Variants in ZNF469 observed in about 807,000 individuals in gnomAD.
ZNF469 encodes zinc finger protein 469.
Under a neutral mutation model 1.0 loss-of-function variants are expected in ZNF469, and 1 was observed. The observed-to-expected ratio is 1.00, with a 90% CI of 0.35 to 4.73. ZNF469 has a LOEUF of 4.73. Among genes scored for constraint, ZNF469 ranks in the 30% most tolerant of loss-of-function variants. ZNF469 has a pLI of 0.16. For synonymous variants in ZNF469, 2,703 were observed against 2,363.4 expected (o/e 1.14, Z -4.17); for missense variants, 6,100 against 5,356.3 (o/e 1.14, Z -4.33).
At chr16:88,355,100 G>A in the ZNF469 span, among the ~76,000 whole-genome samples, 14 of 146,310 alleles carry the variant, frequency 9.6e-5, no homozygotes, top group African/African-American at 1.9e-4. Flanking sequence ...GGCAGGGGGC[G>A]CAGAACACTG....
At chr16:88,350,639 G>A in the ZNF469 span, among the ~76,000 whole-genome samples, 7 of 152,218 alleles carry the variant, frequency 4.6e-5, no homozygotes, top group African/African-American at 1.7e-4. Context: ...GGTGAAAGGG[G>A]GACGTTCAGG....
chr16:88,344,492 C>T, the ZNF469 span, among the ~76,000 whole-genome samples: 1 of 152,222 alleles, frequency 6.6e-6, no homozygotes. Context: ...GTGCTGGGCA[C>T]AGGGCCTGAG....
chr16:88,331,550 A>G, the ZNF469 span, among the ~76,000 whole-genome samples: 1 of 151,580 alleles, frequency 6.6e-6, no homozygotes, highest in Admixed American at 6.6e-5. Flanking sequence ...CACCATCACC[A>G]CCATCGTCAT....
At position 88,428,385 on chromosome 16, in the gene ZNF469, C is replaced by T; in HGVS notation, c.915C>T (p.Ala305=). 2 of 1,548,556 alleles carry T rather than the reference C, an allele frequency of 1.3e-6. No individual in the cohort carries two copies. The highest frequency in any genetic ancestry group is 4.9e-5 in the East Asian group (2 of 40,900). The change falls in exon 3 of 3, where the codon GCC becomes GCT. Residue 305 remains alanine (A), a synonymous_variant. Coordinates refer to ENST00000565624, the MANE Select transcript of ZNF469 (RefSeq NM_001367624.2). ...TCACCAATGGGCCACTGGTGTTTGC[C>T]TTCCATCAGCCCCAGGGAGCGTGGC... ...HAFTNGPLVF[A]FHQPQGAWPE...
chr16:88,247,328 G>GTGAA, the ZNF469 span, among the ~76,000 whole-genome samples: 1 of 67,576 alleles, frequency 1.5e-5, no homozygotes, highest in Non-Finnish European at 2.5e-5. Flanking sequence ...TGAGTGAATG[G>GTGAA]TGAATGAGTG....
the ZNF469 span, among the ~76,000 whole-genome samples, chr16:88,143,914 C>A: frequency 1.3e-5 from 2 of 152,208 alleles, no homozygotes; most frequent in Non-Finnish European, 2.9e-5. Flanking sequence ...TGTTCGCTGC[C>A]TTCCTCTTCG....
intron 1 of ZNF469, among the ~76,000 whole-genome samples, chr16:88,384,448 C>T (rs1021958125): frequency 6.6e-6 from 1 of 152,150 alleles, no homozygotes; most frequent in African/African-American, 2.4e-5. Context: ...GAGGGCTGAG[C>T]AGGGAGCTCG....
the ZNF469 span, among the ~76,000 whole-genome samples, chr16:88,129,199 G>A: frequency 2.0e-5 from 3 of 152,214 alleles, no homozygotes; most frequent in Non-Finnish European, 2.9e-5. Flanking sequence ...CCCCAGCCCT[G>A]CCACAGCGTC....
chr16:88,248,447 C>T, the ZNF469 span, among the ~76,000 whole-genome samples: 22 of 152,140 alleles, frequency 1.4e-4, no homozygotes, highest in African/African-American at 2.4e-4. Context: ...CACAGTGGCT[C>T]ATGCTTGTAA....
At chr16:88,173,701 G>T in the ZNF469 span, among the ~76,000 whole-genome samples, 1 of 152,170 alleles carries the variant, frequency 6.6e-6, no homozygotes, top group African/African-American at 2.4e-5. Context: ...AAAGAATGAG[G>T]GTTGGGGGAA....
chr16:88,369,998 C>T, the ZNF469 span, among the ~76,000 whole-genome samples: 26 of 152,324 alleles, frequency 1.7e-4, no homozygotes, highest in Admixed American at 1.0e-3. Context: ...AAAAATAATA[C>T]CTGTTCTTTA....
At chr16:88,223,859 C>T in the ZNF469 span, among the ~76,000 whole-genome samples, 2 of 152,344 alleles carry the variant, frequency 1.3e-5, no homozygotes, top group East Asian at 1.9e-4. Flanking sequence ...CTGTGTGGAG[C>T]GCAGGCCTCG....
intron 1 of ZNF469, among the ~76,000 whole-genome samples, chr16:88,422,317 G>A (rs989321881): frequency 1.6e-5 from 1 of 62,036 alleles, no homozygotes; most frequent in African/African-American, 4.2e-5. Flanking sequence ...TGGATAGATG[G>A]GTGAGTGATG....
the ZNF469 span, among the ~76,000 whole-genome samples, chr16:88,144,030 C>G: frequency 6.8e-6 from 1 of 147,706 alleles, no homozygotes; most frequent in Non-Finnish European, 1.5e-5. Flanking sequence ...GGGGAAACGG[C>G]GCAGGGTCAG....
the ZNF469 span, among the ~76,000 whole-genome samples, chr16:88,345,154 G>A: frequency 6.6e-6 from 1 of 152,230 alleles, no homozygotes; most frequent in Non-Finnish European, 1.5e-5. Flanking sequence ...AGCCTGAATT[G>A]TCCAGCCAGC....
At chr16:88,185,063 A>T in the ZNF469 span, among the ~76,000 whole-genome samples, 47 of 148,924 alleles carry the variant, frequency 3.2e-4, no homozygotes, top group African/African-American at 1.1e-3. Flanking sequence ...CCACGCACAG[A>T]CACTCACACC....
chr16:88,262,587 G>A, the ZNF469 span, among the ~76,000 whole-genome samples: 4 of 152,154 alleles, frequency 2.6e-5, no homozygotes, highest in African/African-American at 7.2e-5. This position sits in a 1 kb window ranked among gnomAD's most constrained non-coding sequence, Gnocchi z 4.3. Context: ...ACGGGCAGGA[G>A]CCTGCAGAGT....
the ZNF469 span, among the ~76,000 whole-genome samples, chr16:88,238,234 G>A: frequency 6.6e-6 from 1 of 152,256 alleles, no homozygotes; most frequent in African/African-American, 2.4e-5. Context: ...CTGCTGAACT[G>A]CATGGTAGGG....
chr16:88,404,185 C>G (rs1904964047), intron 1 of ZNF469, among the ~76,000 whole-genome samples: 1 of 152,254 alleles, frequency 6.6e-6, no homozygotes, highest in African/African-American at 2.4e-5. Context: ...CCCCACACCC[C>G]CGGCACCTGG....
Sources: gnomAD v4.1 joint callset for allele counts (sites outside exome capture counted in the v4.1 genomes callset) on GRCh38, gnomAD v4.1.1 for gene constraint, Gnocchi (gnomAD v3.1) non-coding constraint, MANE v1.5 for transcripts, NCBI Gene and HGNC (gene_info 2026-07-23, HGNC 2026-07-21) for gene names.